ESRRG: variants seen among roughly 807,000 people sequenced by gnomAD.
ESRRG encodes estrogen-related receptor gamma.
In ESRRG, 13 loss-of-function variants were observed where a neutral mutation model predicts 44.0. That is an observed-to-expected ratio of 0.30 (90% confidence interval 0.19 to 0.47). The LOEUF (loss-of-function observed/expected upper bound fraction) is 0.47. Ranked by LOEUF, ESRRG falls within the 20% of genes least tolerant of loss-of-function variation. The pLI is 1.00. For synonymous variants in ESRRG, 215 were observed against 214.6 expected, an observed-to-expected ratio of 1.00 and a Z score of -0.02; for missense variants, 395 against 580.6, an observed-to-expected ratio of 0.68 and a Z score of 3.29.
At chr1:216,747,800 A>T (rs35162334) in intron 2 of ESRRG, among the ~76,000 whole-genome samples, 1 of 152,178 alleles carries the variant, frequency 6.6e-6, no homozygotes, top group Admixed American at 6.5e-5. Flanking sequence ...TTATTAATCT[A>T]TGAAAACAGT....
At chr1:216,965,234 C>T (rs1204704973) in intron 1 of ESRRG, among the ~76,000 whole-genome samples, 3 of 151,946 alleles carry the variant, frequency 2.0e-5, no homozygotes, top group Non-Finnish European at 4.4e-5. Flanking sequence ...CACATCTTTC[C>T]TCCAAACCAT....
chr1:216,925,265 C>T (rs2062383524), intron 2 of ESRRG, among the ~76,000 whole-genome samples: 2 of 151,814 alleles, frequency 1.3e-5, no homozygotes, highest in Non-Finnish European at 2.9e-5. Context: ...GGTGAAACCC[C>T]GTCTCTACTA....
At chr1:216,815,719 G>C (rs72739435) in intron 2 of ESRRG, among the ~76,000 whole-genome samples, 1 of 152,138 alleles carries the variant, frequency 6.6e-6, no homozygotes, top group South Asian at 2.1e-4. Flanking sequence ...TCAGATTTCC[G>C]CCGCACTGAA....
intron 3 of ESRRG, among the ~76,000 whole-genome samples, chr1:216,616,333 T>C (rs1459905393): frequency 6.6e-6 from 1 of 152,178 alleles, no homozygotes; most frequent in Non-Finnish European, 1.5e-5. Context: ...TTTGGGGGAA[T>C]GGGCGCAGTG....
intron 2 of ESRRG, among the ~76,000 whole-genome samples, chr1:216,860,011 C>G (rs1423986443): frequency 6.6e-6 from 1 of 152,128 alleles, no homozygotes; most frequent in East Asian, 1.9e-4. Context: ...TGCCTGTAAT[C>G]CCAACACTTT....
chr1:216,698,321 T>A (rs1349758975), intron 1 of ESRRG, among the ~76,000 whole-genome samples: 2 of 151,712 alleles, frequency 1.3e-5, no homozygotes, highest in Non-Finnish European at 2.9e-5. Context: ...ATCGAGACCA[T>A]CCTGGCTAAC....
intron 1 of ESRRG, among the ~76,000 whole-genome samples, chr1:216,969,203 C>T (rs2071103322): frequency 6.6e-6 from 1 of 152,126 alleles, no homozygotes; most frequent in Admixed American, 6.5e-5. Flanking sequence ...AGTGGCCTAA[C>T]ATTTTCTACT....
intron 2 of ESRRG, among the ~76,000 whole-genome samples, chr1:216,916,983 C>T (rs551292263): frequency 7.4e-4 from 110 of 149,450 alleles, no homozygotes; most frequent in Non-Finnish European, 1.1e-3. Context: ...GGCACCGTTC[C>T]GTTCATCTTA....
At chr1:217,022,067 C>T (rs1368645504) in intron 1 of ESRRG, among the ~76,000 whole-genome samples, 1 of 152,156 alleles carries the variant, frequency 6.6e-6, no homozygotes, top group Non-Finnish European at 1.5e-5. Context: ...CGGTCTCATC[C>T]ACAGCAGAAT....
chr1:216,678,335 A>G (rs1414240789), intron 1 of ESRRG, among the ~76,000 whole-genome samples: 6 of 152,242 alleles, frequency 3.9e-5, no homozygotes, highest in Non-Finnish European at 8.8e-5. Flanking sequence ...TTGAGCCTTC[A>G]GTATACCTGT....
At chr1:216,677,005 G>T in intron 2 of ESRRG, 71 bp downstream of exon 2, 2 of 1,144,552 alleles carry the variant, frequency 1.7e-6, no homozygotes, top group Non-Finnish European at 2.6e-6. Flanking sequence ...ATGAGAATAA[G>T]AATAAGGAAA....
chr1:217,035,715 C>A (rs1416330918), intron 1 of ESRRG, among the ~76,000 whole-genome samples: 1 of 151,336 alleles, frequency 6.6e-6, no homozygotes, highest in African/African-American at 2.4e-5. Context: ...GGAGGCAGAA[C>A]CATTCCAAAG....
intron 2 of ESRRG, among the ~76,000 whole-genome samples, chr1:216,664,956 C>T (rs796232687): frequency 2.0e-5 from 3 of 152,100 alleles, no homozygotes; most frequent in African/African-American, 7.2e-5. Context: ...TTACAATAGC[C>T]AAGAGATGGA....
intron 2 of ESRRG, among the ~76,000 whole-genome samples, chr1:216,922,041 G>T (rs562137064): frequency 6.6e-6 from 1 of 152,122 alleles, no homozygotes; most frequent in African/African-American, 2.4e-5. Context: ...GGATAACACC[G>T]CGGTTACCAC....
intron 1 of ESRRG, among the ~76,000 whole-genome samples, chr1:217,032,817 C>T (rs1049053287): frequency 2.6e-5 from 4 of 152,162 alleles, no homozygotes; most frequent in Admixed American, 2.6e-4. Context: ...TCATTCATTG[C>T]ATATTAAACA....
intron 2 of ESRRG, among the ~76,000 whole-genome samples, chr1:216,904,911 T>C (rs2059518565): frequency 6.6e-6 from 1 of 152,186 alleles, no homozygotes; most frequent in Non-Finnish European, 1.5e-5. Flanking sequence ...AGGAAAATTC[T>C]GCACCCAAAA....
chr1:217,101,334 G>C (rs12026424), intron 1 of ESRRG, among the ~76,000 whole-genome samples: 11,750 of 152,232 alleles, frequency 0.077, 563 homozygotes, highest in East Asian at 0.23. Flanking sequence ...ATGCTGACAG[G>C]ATTCAGTGAG....
At chr1:216,858,218 ACG>A (rs1199463383) in intron 2 of ESRRG, among the ~76,000 whole-genome samples, 1 of 44,366 alleles carries the variant, frequency 2.3e-5, no homozygotes, top group African/African-American at 4.1e-4. Context: ...TGGGTGGATC[ACG>A]AGGTCAGGAG....
chr1:216,735,987 A>AAAAAAAAAAATAT (rs1453476198), intron 2 of ESRRG, among the ~76,000 whole-genome samples: 3 of 137,122 alleles, frequency 2.2e-5, no homozygotes, highest in South Asian at 2.3e-4. Flanking sequence ...CTCAAAAAAA[A>AAAAAAAAAAATAT]ATATATATAT....
Sources: allele counts gnomAD v4.1 joint callset (sites outside exome capture counted in the v4.1 genomes callset), GRCh38; gene constraint gnomAD v4.1.1; transcripts MANE v1.5; gene names NCBI Gene and HGNC (gene_info 2026-07-23, HGNC 2026-07-21).